MAGEL2: variants seen among roughly 807,000 people sequenced by gnomAD.
The protein encoded by MAGEL2 is MAGE-like protein 2.
For missense variants in MAGEL2, 1,830 were observed against 1,699.2 expected (o/e 1.08, Z -1.35); for synonymous variants, 792 against 721.7 (o/e 1.10, Z -1.56).
In MAGEL2 at chr15:23,645,807, C is replaced by G. The variant is rs769320966; in HGVS notation, c.1936G>C (p.Glu646Gln). ...GGCGGGGCTCCCTGAAAGGGCTGCT[C>G]CAGCTGGACCAAGGGGGGAGCCTGC... ...QRQAPPLVQL[E>Q]QPFQGAPPSQ... Residue 646 changes from glutamate (E) to glutamine (Q), a missense_variant, in exon 1 of 1, where the codon GAG (glutamate) becomes CAG (glutamine). Glu to Gln is a conservative substitution (Grantham distance 29). Transcript: ENST00000650528. The G allele has an allele frequency of 1.3e-6, 2 of 1,590,426 alleles. No homozygotes were observed. The highest frequency in any genetic ancestry group is 2.3e-5 in the South Asian group (2 of 87,634).
At position 23,646,356 on chromosome 15, in the gene MAGEL2, C is replaced by A; in HGVS notation, c.1387G>T (p.Ala463Ser). ...ACAGGTGGGGCCTGGCGGATCACAGCGGGGGCCTGGCGGATCACGGGTGGG... is the reference window on the plus strand; with the variant it reads ...ACAGGTGGGGCCTGGCGGATCACAGAGGGGGCCTGGCGGATCACGGGTGGG... ...QAPPVIRQAP[A>S]VIRQAPPVIR... Residue 463 changes from alanine (A) to serine (S), a missense_variant, in exon 1 of 1, where the codon GCT becomes TCT. Coordinates refer to ENST00000650528, the MANE Select transcript of MAGEL2 (RefSeq NM_019066.5). This position sits in a 1 kb window ranked among gnomAD's most constrained non-coding sequence, Gnocchi z 4.2. 1 of 1,268,276 alleles carries A rather than the reference C, an allele frequency of 7.9e-7. No individual in the cohort carries two copies. The highest frequency in any genetic ancestry group is 2.3e-5 in the South Asian group (1 of 43,880). 78.6% of individuals were successfully genotyped at this position (1,268,276 alleles called of 1,614,324 possible).
In MAGEL2 at chr15:23,646,668, G is replaced by A; in HGVS notation, c.1075C>T (p.Pro359Ser). The stretch of plus-strand genomic sequence containing the variant: ...CCCGGGGGTGTGGCTAGCTGCGCTG[G>A]GGGTGCCTGCGGGCCCTGGGGAACC... ...PQVPQGPQAP[P>S]AQLATPPGWQ... Residue 359 changes from proline (P) to serine (S), a missense_variant, in exon 1 of 1, where the codon CCA (proline) becomes TCA (serine). Coordinates refer to ENST00000650528, the MANE Select transcript of MAGEL2 (RefSeq NM_019066.5). The surrounding 1 kb of genome is among the most constrained non-coding windows in gnomAD (Gnocchi z 4.2). 2.0e-6 allele frequency: 3 copies of A among 1,507,752 alleles called. No individual in the cohort carries two copies. The highest frequency in any genetic ancestry group is 2.5e-5 in the South Asian group (2 of 78,852). 93.4% of individuals were successfully genotyped at this position (1,507,752 alleles called of 1,614,324 possible). A position where few individuals can be genotyped will look rare whatever the true frequency, so the allele number is the denominator to read the frequency against.
chr15:23,647,711 G>C lies in MAGEL2; in HGVS notation c.32C>G (p.Ser11Trp). The change falls in exon 1 of 1, where the codon TCG becomes TGG. Residue 11 changes from serine to tryptophan, a missense_variant. Ser to Trp is a radical substitution (Grantham distance 177). Transcript: ENST00000650528. ...CTTCGGGGCCTCCGCCGGAGGACTC[G>C]AGTCACCCAGATTCTTACTTAGCTG... MSQLSKNLGD[S>W]SPPAEAPKPP... 1 of 1,478,430 alleles carries C rather than the reference G, an allele frequency of 6.8e-7. No homozygotes were observed. Among genetic ancestry groups the C allele is most frequent in the Non-Finnish European group, 8.9e-7 (1 of 1,121,538 alleles). 91.6% of individuals were successfully genotyped at this position (1,478,430 alleles called of 1,614,324 possible).
At position 23,646,456 on chromosome 15, in the gene MAGEL2, C is replaced by T. The variant is rs1566784790; in HGVS notation, c.1287G>A (p.Pro429=). 2.8e-6 allele frequency: 4 copies of T among 1,417,420 alleles called. No homozygotes were observed. The highest frequency in any genetic ancestry group is 1.5e-5 in the South Asian group (1 of 65,772). 87.8% of individuals were successfully genotyped at this position (1,417,420 alleles called of 1,614,324 possible). A position where few individuals can be genotyped will look rare whatever the true frequency, so the allele number is the denominator to read the frequency against. ...GPPPIRPGPP[P]VRQAPPLIRQ... is the part of the protein sequence containing the mutation. ...GGATCAGCGGTGGGGCCTGTCGCACCGGTGGTGGGCCAGGGCGGATGGGTG... is the reference window on the plus strand; with the variant it reads ...GGATCAGCGGTGGGGCCTGTCGCACTGGTGGTGGGCCAGGGCGGATGGGTG... The change falls in exon 1 of 1, where the codon CCG becomes CCA. Residue 429 remains proline (P), a synonymous_variant. Transcript: ENST00000650528. The surrounding 1 kb of genome is among the most constrained non-coding windows in gnomAD (Gnocchi z 4.2).
chr15:23,647,436 G>T lies in MAGEL2; in HGVS notation c.307C>A (p.Pro103Thr). The T allele has an allele frequency of 6.5e-7, 1 of 1,535,922 alleles. No individual in the cohort carries two copies. Among genetic ancestry groups the T allele is most frequent in the South Asian group, 1.2e-5 (1 of 84,018 alleles). Residue 103 changes from proline (P) to threonine (T), a missense_variant, in exon 1 of 1, where the codon CCG (proline) becomes ACG (threonine). By Grantham distance (38) the Pro-to-Thr change is conservative. Transcript: ENST00000650528. Reference protein sequence around the residue: ...PPLGGPMGKPPTPGVLMVHPP... With the variant: ...PPLGGPMGKPTTPGVLMVHPP... The stretch of plus-strand genomic sequence containing the variant: ...TGCACCATCAGGACCCCGGGAGTCG[G>T]AGGCTTACCCATCGGGCCCCCCAGC...
Position 23,644,707 on chromosome 15 carries a change from C to T in MAGEL2, c.3036G>A (p.Val1012=), listed in dbSNP as rs1183515938. 2 of 1,613,782 alleles carry T rather than the reference C, an allele frequency of 1.2e-6. No individual in the cohort carries two copies. Among genetic ancestry groups the T allele is most frequent in the Admixed American group, 1.7e-5 (1 of 60,014 alleles). The change falls in exon 1 of 1, where the codon GTG becomes GTA. Residue 1012 remains valine, a synonymous_variant. Coordinates refer to ENST00000650528, the MANE Select transcript of MAGEL2 (RefSeq NM_019066.5). The part of the protein sequence containing the change: ...GSSATQDNSK[V]EAQPLSPLDE... ...CCAAGGGAGACAAGGGCTGTGCCTC[C>T]ACCTTGGAATTATCCTGGGTGGCAC...
chr15:23,646,301 T>C lies in MAGEL2; in HGVS notation c.1442A>G (p.Gln481Arg), dbSNP rs2065653903. 1.5e-6 allele frequency: 2 copies of C among 1,365,524 alleles called. No individual in the cohort carries two copies. Among genetic ancestry groups the C allele is most frequent in the Admixed American group, 3.9e-5 (1 of 25,832 alleles). 84.6% of individuals were successfully genotyped at this position (1,365,524 alleles called of 1,614,324 possible). A position where few individuals can be genotyped will look rare whatever the true frequency, so the allele number is the denominator to read the frequency against. ...VIRQAPPVIRQAPPVIRQAPP... is the reference protein window; with the variant it reads ...VIRQAPPVIRRAPPVIRQAPP... The stretch of plus-strand genomic sequence containing the variant: ...GGCCTGGCGGATCACAGGTGGAGCC[T>C]GGCGGATCACAGGTGGGGCCTGGCG... Residue 481 changes from glutamine (Q) to arginine (R), a missense_variant, in exon 1 of 1, where the codon CAG becomes CGG. By Grantham distance (43) the Gln-to-Arg change is conservative. Coordinates refer to ENST00000650528, the MANE Select transcript of MAGEL2 (RefSeq NM_019066.5). This position sits in a 1 kb window ranked among gnomAD's most constrained non-coding sequence, Gnocchi z 4.2.
chr15:23,643,967 C>T lies in MAGEL2; in HGVS notation c.*26G>A. 1.3e-6 allele frequency: 2 copies of T among 1,525,528 alleles called. No individual in the cohort carries two copies. The highest frequency in any genetic ancestry group is 1.8e-6 in the Non-Finnish European group (2 of 1,136,054). 94.5% of individuals were successfully genotyped at this position (1,525,528 alleles called of 1,614,324 possible). A position where few individuals can be genotyped will look rare whatever the true frequency, so the allele number is the denominator to read the frequency against. ...TCAGTGGCCTCTGGCCAGGGAAACA[C>T]AGGAGCGAGATCTCTGCTACACCTA... On this transcript the variant is annotated 3_prime_UTR_variant, in exon 1 of 1. Coordinates refer to ENST00000650528, the MANE Select transcript of MAGEL2 (RefSeq NM_019066.5).
Position 23,644,100 on chromosome 15 carries a change from G to C in MAGEL2, c.3643C>G (p.His1215Asp), listed in dbSNP as rs1159547119. 2 of 1,613,944 alleles carry C rather than the reference G, an allele frequency of 1.2e-6. No homozygotes were observed. Among genetic ancestry groups the C allele is most frequent in the South Asian group, 1.1e-5 (1 of 91,082 alleles). The change falls in exon 1 of 1, where the codon CAT (histidine) becomes GAT (aspartate). Residue 1215 changes from histidine (H) to aspartate (D), a missense_variant. Transcript: ENST00000650528. ...CACTCTGCGAGCGCTTCAAGGTAAT[G>C]GAATGGCCAGCTCTGTGGATCTTTC... ...HKKDPQSWPF[H>D]YLEALAECEW...
chr15:23,647,262 G>T lies in MAGEL2; in HGVS notation c.481C>A (p.His161Asn). ...ATCGGGGTCCCCGGAGGAGGAGGATGGGCCATTGGGGTCCCCGGAGGGGGA... is the reference window on the plus strand; with the variant it reads ...ATCGGGGTCCCCGGAGGAGGAGGATTGGCCATTGGGGTCCCCGGAGGGGGA... ...HPPPPGTPMA[H>N]PPPPGTPMAH... The change falls in exon 1 of 1, where the codon CAT (histidine) becomes AAT (asparagine). Residue 161 changes from histidine (H) to asparagine (N), a missense_variant. Physicochemically the swap from His to Asn is moderately conservative, Grantham distance 68. Transcript: ENST00000650528. 1 of 1,530,572 alleles carries T rather than the reference G, an allele frequency of 6.5e-7. No individual in the cohort carries two copies. 94.8% of individuals were successfully genotyped at this position (1,530,572 alleles called of 1,614,324 possible).
At position 23,645,095 on chromosome 15, in the gene MAGEL2, C is replaced by T; in HGVS notation, c.2648G>A (p.Gly883Asp). 1 of 1,613,896 alleles carries T rather than the reference C, an allele frequency of 6.2e-7. No homozygotes were observed. Among genetic ancestry groups the T allele is most frequent in the Non-Finnish European group, 8.5e-7 (1 of 1,179,904 alleles). ...ATGCTTCTTCTTCCGGGTGGCCTTGCCGGAGCGGCGTGGCGGCTCGACGGA... is the reference window on the plus strand; with the variant it reads ...ATGCTTCTTCTTCCGGGTGGCCTTGTCGGAGCGGCGTGGCGGCTCGACGGA... The part of the protein sequence containing the change: ...KTSVEPPRRS[G>D]KATRKKKHLE... The change falls in exon 1 of 1, where the codon GGC (glycine) becomes GAC (aspartate). Residue 883 changes from glycine (G) to aspartate (D), a missense_variant. Coordinates refer to ENST00000650528, the MANE Select transcript of MAGEL2 (RefSeq NM_019066.5).
chr15:23,646,995 C>T lies in MAGEL2; in HGVS notation c.748G>A (p.Val250Ile). Residue 250 changes from valine (V) to isoleucine (I), a missense_variant, in exon 1 of 1, where the codon GTC becomes ATC. Val to Ile is a conservative substitution (Grantham distance 29). Coordinates refer to ENST00000650528, the MANE Select transcript of MAGEL2 (RefSeq NM_019066.5). The surrounding 1 kb of genome is among the most constrained non-coding windows in gnomAD (Gnocchi z 4.2). The part of the protein sequence containing the change: ...AQPLTPGVLM[V>I]QPAAPGAPMV... Reference sequence around the variant, plus strand: ...GGTGCTCCCGGAGCAGCAGGCTGGACCATCAGGACTCCCGGAGTCAGAGGC... The same window carrying T: ...GGTGCTCCCGGAGCAGCAGGCTGGATCATCAGGACTCCCGGAGTCAGAGGC... The T allele has an allele frequency of 1.3e-6, 2 of 1,536,674 alleles. No homozygotes were observed. Among genetic ancestry groups the T allele is most frequent in the Non-Finnish European group, 1.7e-6 (2 of 1,146,766 alleles).
At position 23,647,508 on chromosome 15, in the gene MAGEL2, T is replaced by C. The variant is rs1449360839; in HGVS notation, c.235A>G (p.Met79Val). 1.3e-6 allele frequency: 2 copies of C among 1,530,616 alleles called. No homozygotes were observed. Among genetic ancestry groups the C allele is most frequent in the African/African-American group, 1.4e-5 (1 of 72,806 alleles). The allele number at this position is 1,530,616 out of a possible 1,614,324, so 94.8% of individuals were successfully genotyped here. A position where few individuals can be genotyped will look rare whatever the true frequency, so the allele number is the denominator to read the frequency against. ...CCCCCTAGGGCAGGAGGCTGGGTCA[T>C]CGGAACCACCGGGGCGGGCAGCTGG... The part of the protein sequence containing the change: ...QGQLPAPVVP[M>V]TQPPALGGPI... Residue 79 changes from methionine to valine, a missense_variant, in exon 1 of 1, where the codon ATG (methionine) becomes GTG (valine). By Grantham distance (21) the Met-to-Val change is conservative. Coordinates refer to ENST00000650528, the MANE Select transcript of MAGEL2 (RefSeq NM_019066.5).
chr15:23,643,803 A>G lies in MAGEL2; in HGVS notation c.*190T>C, dbSNP rs952763083. On this transcript the variant is annotated 3_prime_UTR_variant, in exon 1 of 1. Coordinates refer to ENST00000650528, the MANE Select transcript of MAGEL2 (RefSeq NM_019066.5). ...AAACACAGATGCCAAAATACAGAACAGAACAGTAGCCGATTGAAATCAACA... is the reference window on the plus strand; with the variant it reads ...AAACACAGATGCCAAAATACAGAACGGAACAGTAGCCGATTGAAATCAACA... The G allele has an allele frequency of 7.0e-6, 4 of 570,260 alleles. No individual in the cohort carries two copies. The highest frequency in any genetic ancestry group is 1.2e-5 in the Non-Finnish European group (4 of 343,024). The allele number at this position is 570,260 out of a possible 1,614,324, so 35.3% of individuals were successfully genotyped here.
In MAGEL2 at chr15:23,645,383, G is replaced by A. The variant is rs1409359398; in HGVS notation, c.2360C>T (p.Ser787Leu). ...PATPETFAPS[S>L]SVFPATSQFQ... Reference sequence around the variant, plus strand: ...CTGGGAGGTAGCTGGGAAGACACTTGAGGAGGGAGCAAAGGTCTCCGGTGT... The same window carrying A: ...CTGGGAGGTAGCTGGGAAGACACTTAAGGAGGGAGCAAAGGTCTCCGGTGT... The change falls in exon 1 of 1, where the codon TCA becomes TTA. Residue 787 changes from serine (S) to leucine (L), a missense_variant. Transcript: ENST00000650528. 7 of 1,613,982 alleles carry A rather than the reference G, an allele frequency of 4.3e-6. No individual in the cohort carries two copies. The highest frequency in any genetic ancestry group is 4.2e-6 in the Non-Finnish European group (5 of 1,179,870).
chr15:23,646,823 G>A lies in MAGEL2; in HGVS notation c.920C>T (p.Pro307Leu), dbSNP rs1018215911. Residue 307 changes from proline to leucine, a missense_variant, in exon 1 of 1, where the codon CCG (proline) becomes CTG (leucine). Physicochemically the swap from Pro to Leu is moderately conservative, Grantham distance 98 (BLOSUM62 -3). Coordinates refer to ENST00000650528, the MANE Select transcript of MAGEL2 (RefSeq NM_019066.5). This position sits in a 1 kb window ranked among gnomAD's most constrained non-coding sequence, Gnocchi z 4.2. ...AGGTGGGGCCGCCGGCTGTGCCATC[G>A]GTGCTCCTGAAGCTGGAGGCTGGGT... ...PMTQPPASGAPMAQPAAPPAQ... is the reference protein window; with the variant it reads ...PMTQPPASGALMAQPAAPPAQ... 67 of 1,536,234 alleles carry A rather than the reference G, an allele frequency of 4.4e-5. No individual in the cohort carries two copies. The highest frequency in any genetic ancestry group is 5.6e-5 in the Non-Finnish European group (64 of 1,146,876).
At position 23,644,345 on chromosome 15, in the gene MAGEL2, A is replaced by C; in HGVS notation, c.3398T>G (p.Phe1133Cys). The change falls in exon 1 of 1, where the codon TTT becomes TGT. Residue 1133 changes from phenylalanine (F) to cysteine (C), a missense_variant. Transcript: ENST00000650528. ...KGNCVREDLIFNFLFKLGLDV... is the reference protein window; with the variant it reads ...KGNCVREDLICNFLFKLGLDV... ...CAACCCTAACTTGAACAGAAAATTAAAGATCAGATCCTCCCTGACACAGTT... is the reference window on the plus strand; with the variant it reads ...CAACCCTAACTTGAACAGAAAATTACAGATCAGATCCTCCCTGACACAGTT... 6.2e-7 allele frequency: 1 copy of C among 1,613,838 alleles called. No homozygotes were observed. Among genetic ancestry groups the C allele is most frequent in the South Asian group, 1.1e-5 (1 of 91,054 alleles).
Position 23,646,628 on chromosome 15 carries a change from G to A in MAGEL2, c.1115C>T (p.Ser372Leu), listed in dbSNP as rs1234830448. 2 of 1,477,370 alleles carry A rather than the reference G, an allele frequency of 1.4e-6. No homozygotes were observed. Among genetic ancestry groups the A allele is most frequent in the East Asian group, 2.5e-5 (1 of 40,390 alleles). The allele number at this position is 1,477,370 out of a possible 1,614,324, so 91.5% of individuals were successfully genotyped here. The change falls in exon 1 of 1, where the codon TCG becomes TTG. Residue 372 changes from serine (S) to leucine (L), a missense_variant. Ser to Leu is a moderately radical substitution (Grantham distance 145). Transcript: ENST00000650528. This position sits in a 1 kb window ranked among gnomAD's most constrained non-coding sequence, Gnocchi z 4.2. ...LATPPGWQAT[S>L]PGWQATQQGW... ...TTGCTGCGTGGCCTGCCATCCTGGC[G>A]AGGTCGCCTGCCAGCCCGGGGGTGT...
In MAGEL2 at chr15:23,645,160, G is replaced by T. The variant is rs1305510901; in HGVS notation, c.2583C>A (p.Ala861=). 6.2e-7 allele frequency: 1 copy of T among 1,613,688 alleles called. No homozygotes were observed. The highest frequency in any genetic ancestry group is 8.5e-7 in the Non-Finnish European group (1 of 1,179,910). Residue 861 remains alanine (A), a synonymous_variant, in exon 1 of 1, where the codon GCC becomes GCA. Coordinates refer to ENST00000650528, the MANE Select transcript of MAGEL2 (RefSeq NM_019066.5). ...CTTGAGTGGTGGCAGTTGCCTGGGG[G>T]GCAGCTGCTGTAGCCATCAGGAAGG... is the stretch of plus-strand genomic sequence containing the variant. ...VPTFLMATAA[A]PQATATTQEA...
Sources: allele counts gnomAD v4.1 joint callset, GRCh38; gene constraint gnomAD v4.1.1; non-coding constraint Gnocchi (gnomAD v3.1); transcripts MANE v1.5; gene names NCBI Gene and HGNC (gene_info 2026-07-23, HGNC 2026-07-21).